The following C2orf76 variants were observed in gnomAD, a reference collection of about 807,000 sequenced individuals.
C2orf76 encodes the protein UPF0538 protein C2orf76.
In C2orf76, 23 loss-of-function variants were observed where a neutral mutation model predicts 16.9. The observed-to-expected ratio is 1.36, with a 90% confidence interval of 0.98 to 1.93. The LOEUF is 1.93. Ranked by LOEUF, C2orf76 falls within the 30% of genes most tolerant of loss-of-function variation. The pLI is 0.00. For synonymous variants in C2orf76, 48 were observed against 52.3 expected, an observed-to-expected ratio of 0.92 and a Z score of 0.35; for missense variants, 152 against 152.6, an observed-to-expected ratio of 1.00 and a Z score of 0.02.
chr2:119,302,897 T>G (rs868734810), intron 5 of C2orf76, among the ~76,000 whole-genome samples: 1 of 152,148 alleles, frequency 6.6e-6, no homozygotes, highest in Non-Finnish European at 1.5e-5. Flanking sequence ...AAAACCTTGA[T>G]TTTTTTCTCA....
intron 1 of C2orf76, among the ~76,000 whole-genome samples, chr2:119,349,649 C>T (rs1173067244): frequency 2.0e-5 from 3 of 152,160 alleles, no homozygotes; most frequent in Non-Finnish European, 4.4e-5. Flanking sequence ...AAAATCCCTC[C>T]GCCCCTCACC....
At chr2:119,289,879 G>A in the C2orf76 span, among the ~76,000 whole-genome samples, 1 of 151,946 alleles carries the variant, frequency 6.6e-6, no homozygotes, top group African/African-American at 2.4e-5. Context: ...CAGGAAGAGA[G>A]ACCACAGAGG....
intron 3 of C2orf76, 33 bp from the exon 4 acceptor site, chr2:119,317,536 A>T: frequency 1.9e-6 from 3 of 1,555,618 alleles, no homozygotes; most frequent in Non-Finnish European, 2.6e-6. Flanking sequence ...CTTTTTACAC[A>T]GTTTATTCTA....
At chr2:119,365,558 G>A (rs1350158360) in intron 1 of C2orf76, among the ~76,000 whole-genome samples, 1 of 152,146 alleles carries the variant, frequency 6.6e-6, no homozygotes, top group Non-Finnish European at 1.5e-5. Context: ...ACCTTCCCTG[G>A]GGAGGGGGAA....
the C2orf76 span, among the ~76,000 whole-genome samples, chr2:119,282,086 C>T: frequency 1.3e-5 from 2 of 151,644 alleles, no homozygotes; most frequent in African/African-American, 4.8e-5. Flanking sequence ...GTGGAGGTTG[C>T]AGGGAGCCGA....
chr2:119,350,759 T>G (rs1168994989), intron 1 of C2orf76, among the ~76,000 whole-genome samples: 1 of 152,182 alleles, frequency 6.6e-6, no homozygotes, highest in African/African-American at 2.4e-5. Flanking sequence ...CAGAACAAGC[T>G]AACTGCAACG....
chr2:119,335,392 G>A (rs1362142291), intron 2 of C2orf76, among the ~76,000 whole-genome samples: 1 of 152,094 alleles, frequency 6.6e-6, no homozygotes, highest in Non-Finnish European at 1.5e-5. Flanking sequence ...CTAAGAACAG[G>A]GCATGTACAA....
chr2:119,297,920 C>T (rs1021968108), downstream of C2orf76, among the ~76,000 whole-genome samples: 3 of 152,034 alleles, frequency 2.0e-5, no homozygotes, highest in African/African-American at 7.2e-5. Context: ...ATGGCAATTG[C>T]CTGATGGATT....
downstream of C2orf76, among the ~76,000 whole-genome samples, chr2:119,297,578 C>G (rs966386029): frequency 1.3e-5 from 2 of 152,126 alleles, no homozygotes; most frequent in African/African-American, 4.8e-5. Context: ...GTGATCTCAG[C>G]TCACTGTAAC....
At chr2:119,351,241 C>A (rs555632260) in intron 1 of C2orf76, among the ~76,000 whole-genome samples, 1 of 152,302 alleles carries the variant, frequency 6.6e-6, no homozygotes, top group African/African-American at 2.4e-5. Flanking sequence ...TCACAGCCTG[C>A]CTGAACAAAG....
chr2:119,339,857 C>G lies in C2orf76; in HGVS notation c.103G>C (p.Val35Leu). 6.2e-7 allele frequency: 1 copy of G among 1,608,838 alleles called. No homozygotes were observed. Among genetic ancestry groups the G allele is most frequent in the South Asian group, 1.1e-5 (1 of 90,836 alleles). Residue 35 changes from valine to leucine, a missense_variant, in exon 2 of 6, where the codon GTA becomes CTA. Physicochemically the swap from Val to Leu is conservative, Grantham distance 32 (BLOSUM62 1). Coordinates refer to ENST00000334816, the MANE Select transcript of C2orf76 (RefSeq NM_001322331.2). ...TTTAGAAATACGATAAATTCCTTTACAGTTTGGTCCAAATTCACTCCGTGA... is the reference window on the plus strand; with the variant it reads ...TTTAGAAATACGATAAATTCCTTTAGAGTTTGGTCCAAATTCACTCCGTGA... ...VYHGVNLDQT[V>L]KEFIVFLKQD...
At chr2:119,305,205 G>A (rs769124611) in intron 5 of C2orf76, among the ~76,000 whole-genome samples, 3 of 152,110 alleles carry the variant, frequency 2.0e-5, no homozygotes, top group Non-Finnish European at 2.9e-5. Flanking sequence ...TAATACTGAT[G>A]TTCAAGTTTA....
At chr2:119,291,213 G>T in the C2orf76 span, among the ~76,000 whole-genome samples, 1 of 151,950 alleles carries the variant, frequency 6.6e-6, no homozygotes, top group Non-Finnish European at 1.5e-5. Flanking sequence ...AAGATGAACG[G>T]CTGGGCATTA....
At chr2:119,340,930 C>A (rs1396796905) in intron 1 of C2orf76, among the ~76,000 whole-genome samples, 2 of 150,718 alleles carry the variant, frequency 1.3e-5, no homozygotes, top group African/African-American at 2.5e-5. Context: ...AAAAAAAGAA[C>A]TTGCTACACT....
At chr2:119,330,609 T>C (rs1294810156) in intron 2 of C2orf76, among the ~76,000 whole-genome samples, 1 of 152,180 alleles carries the variant, frequency 6.6e-6, no homozygotes, top group Middle Eastern at 3.2e-3. Flanking sequence ...GTTTTCATCA[T>C]ATTTGTAAAA....
rs1681028246 is a variant in C2orf76 at position 119,366,817 on chromosome 2, C to A, written c.-40G>T. The A allele has an allele frequency of 3.4e-6, 2 of 590,544 alleles. No homozygotes were observed. The highest frequency in any genetic ancestry group is 6.0e-6 in the Non-Finnish European group (2 of 334,356). The allele number at this position is 590,544 out of a possible 1,614,324, so 36.6% of individuals were successfully genotyped here. ...GTTCCCGGCGTCCCCTTCGGCTACTCCCGGCGTTTGCGCAAGCGGTCCCAC... is the reference window on the plus strand; with the variant it reads ...GTTCCCGGCGTCCCCTTCGGCTACTACCGGCGTTTGCGCAAGCGGTCCCAC... On this transcript the variant is annotated 5_prime_UTR_variant, in exon 1 of 6. Coordinates refer to ENST00000334816, the MANE Select transcript of C2orf76 (RefSeq NM_001322331.2).
intron 3 of C2orf76, among the ~76,000 whole-genome samples, chr2:119,318,100 T>A (rs141613388): frequency 6.6e-6 from 1 of 152,224 alleles, no homozygotes; most frequent in Non-Finnish European, 1.5e-5. Context: ...CAAACCCAAC[T>A]TCACTCCTTA....
intron 2 of C2orf76, among the ~76,000 whole-genome samples, chr2:119,333,254 G>A (rs1272584583): frequency 6.6e-6 from 1 of 152,190 alleles, no homozygotes; most frequent in South Asian, 2.1e-4. Flanking sequence ...CTACAGAAGA[G>A]TGCCAGATAA....
intron 1 of C2orf76, among the ~76,000 whole-genome samples, chr2:119,344,804 C>A (rs1026942488): frequency 6.6e-6 from 1 of 152,198 alleles, no homozygotes; most frequent in East Asian, 1.9e-4. Context: ...AATATAAAAT[C>A]GGATACTGGA....
Sources: gnomAD v4.1 joint callset for allele counts (sites outside exome capture counted in the v4.1 genomes callset) on GRCh38, gnomAD v4.1.1 for gene constraint, MANE v1.5 for transcripts, NCBI Gene and HGNC (gene_info 2026-07-23, HGNC 2026-07-21) for gene names.